The following KIF1B variants were observed in gnomAD, a reference collection of about 807,000 sequenced individuals.
KIF1B encodes the protein kinesin family member 1B, also known as kinesin-like protein KIF1B.
In KIF1B, 76 loss-of-function variants were observed where a neutral mutation model predicts 241.9. The ratio of observed to expected loss-of-function variants is 0.31; its 90% confidence interval spans 0.26 to 0.38. The LOEUF (loss-of-function observed/expected upper bound fraction) is 0.38, where lower values mean the gene tolerates loss of function less well. Ranked by LOEUF, KIF1B falls within the 10% of genes least tolerant of loss-of-function variation. KIF1B has a pLI of 1.00. For synonymous variants in KIF1B, 750 were observed against 796.7 expected, an observed-to-expected ratio of 0.94 and a Z score of 0.99; for missense variants, 1,622 against 2,271.4, an observed-to-expected ratio of 0.71 and a Z score of 5.81.
rs750451774 is a variant in KIF1B at position 10,347,856 on chromosome 1, G to A, written c.3864+29G>A. 151 of 1,545,108 alleles carry A rather than the reference G, an allele frequency of 9.8e-5. 1 individual carries two copies. The South Asian group carries it at 1.6e-3, about 17-fold the overall frequency. On this transcript the variant is annotated intron_variant, in intron 36 of 48. Transcript: ENST00000676179. ...CTAATGAGGGACCAAAACAGGCATC[G>A]GAGGGAACACTGAAAAGAATTTAGA... is the stretch of plus-strand genomic sequence containing the variant.
At chr1:10,218,875 A>G (rs1193029009) in intron 1 of KIF1B, among the ~76,000 whole-genome samples, 5 of 152,190 alleles carry the variant, frequency 3.3e-5, no homozygotes, top group Middle Eastern at 3.2e-3. Flanking sequence ...ACCAGTTACT[A>G]CTTCTAGAAA....
chr1:10,251,577 A>G (rs749845260), intron 2 of KIF1B, among the ~76,000 whole-genome samples: 4 of 152,042 alleles, frequency 2.6e-5, no homozygotes, highest in African/African-American at 4.8e-5. Context: ...TCTACTAGAC[A>G]TACAAAATTA....
chr1:10,314,853 A>C (rs1227720505), intron 22 of KIF1B, among the ~76,000 whole-genome samples: 1 of 151,686 alleles, frequency 6.6e-6, no homozygotes, highest in Non-Finnish European at 1.5e-5. Context: ...TTTTGTATTC[A>C]TTGGTAGTTT....
At chr1:10,339,887 C>T in intron 32 of KIF1B, 28 bp downstream of exon 32, 1 of 1,585,054 alleles carries the variant, frequency 6.3e-7, no homozygotes, top group Non-Finnish European at 8.7e-7. Flanking sequence ...TTTTGCCAAA[C>T]ATATGTTTTT....
At chr1:10,226,442 A>G (rs933530457) in intron 1 of KIF1B, among the ~76,000 whole-genome samples, 5 of 152,224 alleles carry the variant, frequency 3.3e-5, no homozygotes, top group Non-Finnish European at 2.9e-5. Flanking sequence ...CTTTATATCT[A>G]AAGCCCACCA....
Position 10,292,098 on chromosome 1 carries a change from C to A in KIF1B, c.1566C>A (p.Thr522=), listed in dbSNP as rs1242044544. 6.2e-7 allele frequency: 1 copy of A among 1,613,816 alleles called. No individual in the cohort carries two copies. The highest frequency in any genetic ancestry group is 8.5e-7 in the Non-Finnish European group (1 of 1,179,878). The part of the protein sequence containing the change: ...MGVAIREDGG[T]LGVFSPKKTP... Reference sequence around the variant, plus strand: ...TTGCCATTCGGGAAGATGGAGGAACCCTAGGGGTTTTCTCACCTAAAAAGG... The same window carrying A: ...TTGCCATTCGGGAAGATGGAGGAACACTAGGGGTTTTCTCACCTAAAAAGG... The change falls in exon 17 of 49, where the codon ACC becomes ACA. Residue 522 remains threonine (T), a synonymous_variant. Transcript: ENST00000676179.
intron 22 of KIF1B, among the ~76,000 whole-genome samples, chr1:10,316,318 C>T (rs1381078379): frequency 6.6e-6 from 1 of 151,482 alleles, no homozygotes; most frequent in South Asian, 2.1e-4. Flanking sequence ...GTCAGTTTGT[C>T]CTATTATCAA....
intron 40 of KIF1B, 29 bp downstream of exon 40, chr1:10,361,854 G>A (rs1316527731): frequency 6.2e-7 from 1 of 1,611,766 alleles, no homozygotes; most frequent in Non-Finnish European, 8.5e-7. Flanking sequence ...TTAGCTTCCA[G>A]TGTGTTTGTT....
intron 5 of KIF1B, 25 bp downstream of exon 5, chr1:10,261,995 C>A: frequency 6.6e-7 from 1 of 1,519,664 alleles, no homozygotes; most frequent in Non-Finnish European, 9.1e-7. Flanking sequence ...GAGTTGACAC[C>A]GTAAGCCCTT....
rs543132638 is a variant in KIF1B, at chr1:10,298,564, C to T, written c.2115+1318C>T. ...TTTAGCATTAAGTTTTTAATGAAAA[C>T]GGAAAGAACTAGCTACAATGTGATT... On this transcript the variant is annotated intron_variant, in intron 22 of 48. Transcript: ENST00000676179. Among the ~76,000 whole-genome samples the T allele has an allele frequency of 7.2e-5, 11 of 152,100 alleles. No individual in the cohort carries two copies. In the East Asian group the frequency reaches 7.7e-4, roughly 11 times the overall value.
chr1:10,374,270 C>A lies in KIF1B; in HGVS notation c.4947-46C>A. ...AGTACTCAGTATGCCTTGATTGTAA[C>A]TGATTCTCTTGTTACCCTTTTCTTT... On this transcript the variant is annotated intron_variant, in intron 45 of 48. Coordinates refer to ENST00000676179, the MANE Select transcript of KIF1B (RefSeq NM_001365951.3). This position sits in a 1 kb window ranked among gnomAD's most constrained non-coding sequence, Gnocchi z 4.3. The A allele has an allele frequency of 1.3e-6, 2 of 1,596,320 alleles. No individual in the cohort carries two copies. The highest frequency in any genetic ancestry group is 2.2e-5 in the East Asian group (1 of 44,786).
At chr1:10,256,358 T>G in intron 3 of KIF1B, 35 bp downstream of exon 3, 6 of 1,391,128 alleles carry the variant, frequency 4.3e-6, no homozygotes, top group South Asian at 1.2e-5. Flanking sequence ...TGCCAGCTCC[T>G]GCCTCCTTTC....
intron 5 of KIF1B, among the ~76,000 whole-genome samples, chr1:10,264,187 C>A (rs1648315611): frequency 6.6e-6 from 1 of 152,158 alleles, no homozygotes; most frequent in Non-Finnish European, 1.5e-5. Flanking sequence ...TTCTCAGTTA[C>A]CTATTTTTTA....
intron 39 of KIF1B, among the ~76,000 whole-genome samples, chr1:10,361,262 C>G (rs1312516706): frequency 6.6e-6 from 1 of 152,234 alleles, no homozygotes; most frequent in Non-Finnish European, 1.5e-5. Context: ...CTCATTGCAG[C>G]TTCAGCTTTA....
chr1:10,357,014 G>C lies in KIF1B; in HGVS notation c.4056-3915G>C, dbSNP rs535104084. 3.4e-4 allele frequency among the ~76,000 whole-genome samples: 52 copies of C among 152,184 alleles called. 1 individual carries two copies. The South Asian group carries it at 0.011, about 31-fold the overall frequency. ...CCCTCCTCAGCCTCCCGAATAGGTG[G>C]GACTCCAGACACGTGCCACCATGCC... On this transcript the variant is annotated intron_variant, in intron 38 of 48. Transcript: ENST00000676179.
At chr1:10,359,504 A>G (rs1375171746) in intron 38 of KIF1B, among the ~76,000 whole-genome samples, 1 of 152,222 alleles carries the variant, frequency 6.6e-6, no homozygotes, top group Non-Finnish European at 1.5e-5. Context: ...TTTAATGTCA[A>G]TTAGAGTTAA....
intron 2 of KIF1B, among the ~76,000 whole-genome samples, chr1:10,233,107 A>G (rs1406562106): frequency 6.6e-6 from 1 of 152,218 alleles, no homozygotes; most frequent in African/African-American, 2.4e-5. Context: ...GGCACAAGTT[A>G]CTGCTGAAGT....
intron 2 of KIF1B, among the ~76,000 whole-genome samples, chr1:10,248,793 A>C (rs1436531865): frequency 5.3e-5 from 8 of 152,222 alleles, no homozygotes; most frequent in South Asian, 4.1e-4. Flanking sequence ...GATAGGATAC[A>C]TCAGATGTGG....
chr1:10,353,002 T>G (rs1652854712), intron 38 of KIF1B, among the ~76,000 whole-genome samples: 1 of 152,244 alleles, frequency 6.6e-6, no homozygotes, highest in African/African-American at 2.4e-5. Context: ...TGAATAGATG[T>G]AACAAGTGAT....
Sources: allele counts gnomAD v4.1 joint callset (sites outside exome capture counted in the v4.1 genomes callset), GRCh38; gene constraint gnomAD v4.1.1; non-coding constraint Gnocchi (gnomAD v3.1); transcripts MANE v1.5; gene names NCBI Gene and HGNC (gene_info 2026-07-23, HGNC 2026-07-21).